FAIM: variants seen among roughly 807,000 people sequenced by gnomAD.
The protein encoded by FAIM is fas apoptotic inhibitory molecule 1.
FAIM carries 14 observed loss-of-function variants against 21.2 expected under a neutral mutation model. The ratio of observed to expected loss-of-function variants is 0.66; its 90% confidence interval spans 0.44 to 1.03. FAIM has a LOEUF of 1.03. FAIM is among the 50% of genes least tolerant of loss of function. The probability of loss-of-function intolerance (pLI) is 0.00; values close to 1 mark genes in which losing one functional copy is unlikely to be tolerated. For missense variants in FAIM, 222 were observed against 247.1 expected (o/e 0.90, Z 0.68); for synonymous variants, 86 against 80.4 (o/e 1.07, Z -0.37).
chr3:138,623,830 G>A (rs982112563), intron 4 of FAIM, among the ~76,000 whole-genome samples: 2 of 152,100 alleles, frequency 1.3e-5, no homozygotes, highest in African/African-American at 4.8e-5. Context: ...TTTGTTTACT[G>A]GAATATATTC....
intron 1 of FAIM, among the ~76,000 whole-genome samples, chr3:138,618,402 C>A (rs748064320): frequency 4.6e-5 from 7 of 152,102 alleles, no homozygotes; most frequent in Non-Finnish European, 8.8e-5. Context: ...TGTGGTGGCT[C>A]ATGCCTGTAA....
At chr3:138,610,850 T>C in intron 1 of FAIM, 1 of 881,314 alleles carries the variant, frequency 1.1e-6, no homozygotes, top group South Asian at 1.5e-5. Flanking sequence ...CCCAAAGTGC[T>C]GGGATTACGG....
chr3:138,619,543 G>C (rs886520899), intron 1 of FAIM, among the ~76,000 whole-genome samples, 168 bp from the exon 2 acceptor site: 2 of 152,192 alleles, frequency 1.3e-5, no homozygotes, highest in African/African-American at 2.4e-5. Flanking sequence ...GAGAATTAAA[G>C]ATTGCAATTC....
chr3:138,619,807 A>G, intron 2 of FAIM, 37 bp downstream of exon 2: 1 of 1,540,982 alleles, frequency 6.5e-7, no homozygotes, highest in South Asian at 1.1e-5. Flanking sequence ...AGCCTTTGAC[A>G]TTTTCAAGAT....
chr3:138,618,691 A>G (rs1560495239), intron 1 of FAIM, among the ~76,000 whole-genome samples: 1 of 152,198 alleles, frequency 6.6e-6, no homozygotes, highest in South Asian at 2.1e-4. Context: ...AAACTTTTTA[A>G]TAATTTGTGA....
intron 4 of FAIM, among the ~76,000 whole-genome samples, chr3:138,625,198 C>T (rs533283312): frequency 7.2e-5 from 11 of 152,174 alleles, no homozygotes; most frequent in African/African-American, 2.4e-4. Context: ...CATGGTAGCT[C>T]ACACCTGTAA....
intron 1 of FAIM, among the ~76,000 whole-genome samples, chr3:138,616,317 T>G (rs2042824671): frequency 6.6e-6 from 1 of 152,250 alleles, no homozygotes; most frequent in South Asian, 2.1e-4. Context: ...TTTGAAGTAT[T>G]TCAGCCTTTT....
At chr3:138,628,752 G>A (rs946820901) in intron 4 of FAIM, among the ~76,000 whole-genome samples, 1 of 151,980 alleles carries the variant, frequency 6.6e-6, no homozygotes, top group Admixed American at 6.6e-5. Flanking sequence ...CAAAGTGCTG[G>A]GATTACAGGC....
chr3:138,629,903 G>C (rs1430368719), intron 5 of FAIM: 2 of 152,324 alleles, frequency 1.3e-5, no homozygotes, highest in African/African-American at 4.8e-5. Flanking sequence ...CTATGGCTGT[G>C]GATGGGATGA....
intron 4 of FAIM, among the ~76,000 whole-genome samples, chr3:138,624,289 T>C (rs1217113984): frequency 6.6e-6 from 1 of 152,212 alleles, no homozygotes; most frequent in Non-Finnish European, 1.5e-5. Context: ...CTTTGCCAAC[T>C]TGTAATACAA....
At chr3:138,613,010 C>T (rs1585188) in intron 1 of FAIM, among the ~76,000 whole-genome samples, 67,874 of 146,606 alleles carry the variant, frequency 0.46, 17,752 homozygotes, top group South Asian at 0.63. Context: ...AAGTCCTTTG[C>T]CTTTTTTTTT....
intron 5 of FAIM, among the ~76,000 whole-genome samples, chr3:138,631,886 C>T (rs1339644790): frequency 6.6e-6 from 1 of 152,088 alleles, no homozygotes; most frequent in East Asian, 1.9e-4. Flanking sequence ...CACATCCTTC[C>T]CAGAGCTAGG....
intron 1 of FAIM, among the ~76,000 whole-genome samples, chr3:138,611,772 TTC>T (rs2042771952): frequency 6.6e-6 from 1 of 152,208 alleles, no homozygotes; most frequent in East Asian, 1.9e-4. Flanking sequence ...CTCTCCTGCT[TTC>T]TCTCTGGTCA....
intron 5 of FAIM, among the ~76,000 whole-genome samples, chr3:138,631,881 C>T (rs551640631): frequency 1.6e-4 from 25 of 152,094 alleles, no homozygotes; most frequent in Non-Finnish European, 3.7e-4. Context: ...CGGGCCACAT[C>T]CTTCCCAGAG....
At chr3:138,625,879 AT>A (rs1254363596) in intron 4 of FAIM, among the ~76,000 whole-genome samples, 4 of 151,884 alleles carry the variant, frequency 2.6e-5, no homozygotes, top group Admixed American at 2.6e-4. Flanking sequence ...GATCATGTGC[AT>A]TTTTTTTCAC....
At chr3:138,625,743 C>G (rs1444168580) in intron 4 of FAIM, among the ~76,000 whole-genome samples, 3 of 152,134 alleles carry the variant, frequency 2.0e-5, no homozygotes, top group Non-Finnish European at 4.4e-5. Flanking sequence ...ATTTCTAACC[C>G]TTATAACAGC....
intron 5 of FAIM, 111 bp from the exon 6 acceptor site, chr3:138,632,819 T>G: frequency 9.4e-7 from 1 of 1,060,122 alleles, no homozygotes; most frequent in Non-Finnish European, 1.3e-6. Context: ...AGCTTATTGT[T>G]TAACTAATAC....
Position 138,632,972 on chromosome 3 carries a change from G to A in FAIM, c.499G>A (p.Gly167Arg), listed in dbSNP as rs569385689. The change falls in exon 6 of 6, where the codon GGG becomes AGG. Residue 167 changes from glycine (G) to arginine (R), a missense_variant. Physicochemically the swap from Gly to Arg is moderately radical, Grantham distance 125. Coordinates refer to ENST00000360570, the MANE Select transcript of FAIM (RefSeq NM_001033031.2). ...DDGTETHFSI[G>R]NHDCYIKAVS... ...TGGGACTGAAACTCACTTCAGTATC[G>A]GGAACCATGACTGTTACATAAAGGC... 4.2e-5 allele frequency: 68 copies of A among 1,613,626 alleles called. No individual in the cohort carries two copies. Among genetic ancestry groups the A allele is most frequent in the Admixed American group, 2.2e-4 (13 of 59,954 alleles).
At chr3:138,630,103 A>T (rs910129243) in intron 5 of FAIM, 2 of 152,230 alleles carry the variant, frequency 1.3e-5, no homozygotes, top group African/African-American at 4.8e-5. Flanking sequence ...AGATGTGAAC[A>T]TCAGGGCTAG....
Sources: gnomAD v4.1 joint callset for allele counts (sites outside exome capture counted in the v4.1 genomes callset) on GRCh38, gnomAD v4.1.1 for gene constraint, MANE v1.5 for transcripts, NCBI Gene and HGNC (gene_info 2026-07-23, HGNC 2026-07-21) for gene names.